The following PDE4D variants were observed in gnomAD, a reference collection of about 807,000 sequenced individuals.
The protein encoded by PDE4D is 3',5'-cyclic-AMP phosphodiesterase 4D.
In PDE4D, 24 loss-of-function variants were observed where a neutral mutation model predicts 87.4. The observed-to-expected ratio is 0.27, with a 90% CI of 0.20 to 0.39. The LOEUF (loss-of-function observed/expected upper bound fraction) is 0.39, where lower values mean the gene tolerates loss of function less well. PDE4D is among the 10% of genes least tolerant of loss of function. PDE4D has a pLI of 1.00. For synonymous variants in PDE4D, 384 were observed against 383.2 expected (o/e 1.00, Z -0.02); for missense variants, 714 against 1,041.0 (o/e 0.69, Z 4.32).
chr5:59,737,275 T>C (rs993716468), intron 1 of PDE4D, among the ~76,000 whole-genome samples: 4 of 152,154 alleles, frequency 2.6e-5, no homozygotes, highest in African/African-American at 4.8e-5. Context: ...AAAATGTTAT[T>C]TTATGACTAT....
chr5:59,499,279 G>T (rs1336606818), intron 1 of PDE4D, among the ~76,000 whole-genome samples: 1 of 150,068 alleles, frequency 6.7e-6, no homozygotes, highest in African/African-American at 2.4e-5. Context: ...GCGTTAAGAG[G>T]AAAGTTTCTA....
chr5:59,615,876 T>C (rs867489113), intron 1 of PDE4D, among the ~76,000 whole-genome samples: 2 of 152,258 alleles, frequency 1.3e-5, no homozygotes, highest in Middle Eastern at 3.4e-3. Flanking sequence ...CAGTTTTCTA[T>C]CTATTTAGTG....
At chr5:59,816,980 T>C (rs528195943) in intron 1 of PDE4D, among the ~76,000 whole-genome samples, 1 of 152,300 alleles carries the variant, frequency 6.6e-6, no homozygotes, top group East Asian at 1.9e-4. Flanking sequence ...CATTGATTCG[T>C]GGAGGGCAGT....
At chr5:60,423,755 G>C (rs981510833) in intron 1 of PDE4D, among the ~76,000 whole-genome samples, 14 of 152,118 alleles carry the variant, frequency 9.2e-5, no homozygotes, top group African/African-American at 3.4e-4. Flanking sequence ...AATGAATCCA[G>C]AAGTTGGTTT....
At chr5:59,480,016 A>T (rs1803974665) in intron 1 of PDE4D, among the ~76,000 whole-genome samples, 1 of 151,944 alleles carries the variant, frequency 6.6e-6, no homozygotes, top group East Asian at 1.9e-4. Context: ...CATTTTACTA[A>T]TATCTTACGG....
At chr5:60,316,085 C>A (rs908816742) in intron 1 of PDE4D, among the ~76,000 whole-genome samples, 1 of 152,136 alleles carries the variant, frequency 6.6e-6, no homozygotes, top group African/African-American at 2.4e-5. Flanking sequence ...GGCAGTATGG[C>A]CATTTTCATG....
chr5:59,601,193 C>A (rs1205860001), intron 1 of PDE4D, among the ~76,000 whole-genome samples: 1 of 152,100 alleles, frequency 6.6e-6, no homozygotes, highest in Non-Finnish European at 1.5e-5. Flanking sequence ...GAATAATGAG[C>A]TAATTTGTAA....
chr5:59,743,380 C>G (rs1759141180), intron 1 of PDE4D, among the ~76,000 whole-genome samples: 1 of 152,048 alleles, frequency 6.6e-6, no homozygotes, highest in South Asian at 2.1e-4. Context: ...GAGTACATAA[C>G]TTGAACAGAC....
intron 1 of PDE4D, among the ~76,000 whole-genome samples, chr5:60,209,053 G>A (rs1742871093): frequency 6.6e-6 from 1 of 152,092 alleles, no homozygotes; most frequent in African/African-American, 2.4e-5. Context: ...TTAAAGCCAG[G>A]CTGCCTGGAC....
chr5:59,988,611 G>T, exon 3 of PDE4D: 1 of 1,599,308 alleles, frequency 6.3e-7, no homozygotes, highest in Non-Finnish European at 8.5e-7. Context: ...GAAGGCGAGA[G>T]GGGGAAGCTG....
At chr5:60,149,314 G>A (rs770286039) in intron 2 of PDE4D, among the ~76,000 whole-genome samples, 7 of 152,174 alleles carry the variant, frequency 4.6e-5, no homozygotes, top group Non-Finnish European at 8.8e-5. Context: ...ATCATACGGT[G>A]AGAGCACATG....
At chr5:59,959,739 A>T (rs1306562059) in intron 3 of PDE4D, among the ~76,000 whole-genome samples, 1 of 152,200 alleles carries the variant, frequency 6.6e-6, no homozygotes, top group East Asian at 1.9e-4. Context: ...AACTATAAAA[A>T]TCCTAGAATA....
At position 59,228,447 on chromosome 5, in the gene PDE4D, A is replaced by T. The variant is rs1038849273; in HGVS notation, c.456-12479T>A. Among the ~76,000 whole-genome samples, 31 of 152,104 alleles carry T rather than the reference A, an allele frequency of 2.0e-4. No individual in the cohort carries two copies. In the South Asian group the frequency reaches 6.2e-3, roughly 31 times the overall value. Reference sequence around the variant, plus strand: ...AATATTAACAACAACAACAAAAAAAAAAAACAAGCAAGCAAAGAAAAATAC... The same window carrying T: ...AATATTAACAACAACAACAAAAAAATAAAACAAGCAAGCAAAGAAAAATAC... On this transcript the variant is annotated intron_variant, in intron 1 of 14. Coordinates refer to ENST00000340635, the MANE Select transcript of PDE4D (RefSeq NM_001104631.2).
At chr5:60,029,955 T>G (rs1767048036) in intron 2 of PDE4D, among the ~76,000 whole-genome samples, 1 of 152,176 alleles carries the variant, frequency 6.6e-6, no homozygotes, top group South Asian at 2.1e-4. Context: ...CAATTCTGGC[T>G]ACCTAAAATC....
chr5:59,105,393 G>A (rs1771427628), intron 5 of PDE4D, among the ~76,000 whole-genome samples: 1 of 152,018 alleles, frequency 6.6e-6, no homozygotes, highest in Non-Finnish European at 1.5e-5. Flanking sequence ...TAAGCACAGT[G>A]GAAAAACATA....
At chr5:59,662,242 C>T (rs965045645) in intron 1 of PDE4D, among the ~76,000 whole-genome samples, 1 of 152,184 alleles carries the variant, frequency 6.6e-6, no homozygotes, top group Non-Finnish European at 1.5e-5. Flanking sequence ...CAAGAAAATA[C>T]TTTGGCTGGA....
intron 1 of PDE4D, among the ~76,000 whole-genome samples, chr5:59,339,390 T>C (rs1453728958): frequency 6.6e-6 from 1 of 152,220 alleles, no homozygotes; most frequent in African/African-American, 2.4e-5. Context: ...AATAGCATTC[T>C]GTCTAAGGTT....
chr5:60,383,632 G>A (rs1583588169), intron 1 of PDE4D, among the ~76,000 whole-genome samples: 1 of 152,204 alleles, frequency 6.6e-6, no homozygotes, highest in African/African-American at 2.4e-5. Context: ...AGTTCAGAGA[G>A]TTGGCGGAAA....
intron 1 of PDE4D, among the ~76,000 whole-genome samples, chr5:59,333,645 G>T (rs1231271177): frequency 6.6e-6 from 1 of 152,070 alleles, no homozygotes; most frequent in Non-Finnish European, 1.5e-5. Context: ...TGCTTAAAGG[G>T]CTTCAGATTT....
Sources: gnomAD v4.1 joint callset for allele counts (sites outside exome capture counted in the v4.1 genomes callset) on GRCh38, gnomAD v4.1.1 for gene constraint, MANE v1.5 for transcripts, NCBI Gene and HGNC (gene_info 2026-07-23, HGNC 2026-07-21) for gene names.